Variants in COPS9 observed in about 807,000 individuals in gnomAD.
COPS9 encodes the protein COP9 signalosome complex subunit 9.
COPS9 carries 8 observed loss-of-function variants against 7.2 expected under a neutral mutation model. The ratio of observed to expected loss-of-function variants is 1.11; its 90% CI spans 0.65 to 2.00. The LOEUF is 2.00. Ranked by LOEUF, COPS9 falls within the 30% of genes most tolerant of loss-of-function variation. COPS9 has a pLI of 0.00. For missense variants in COPS9, 74 were observed against 77.7 expected, an observed-to-expected ratio of 0.95 and a Z score of 0.18; for synonymous variants, 39 against 28.7, an observed-to-expected ratio of 1.36 and a Z score of -1.14.
chr2:240,131,014 A>C lies in COPS9; in HGVS notation c.*37T>G. 1 of 1,611,220 alleles carries C rather than the reference A, an allele frequency of 6.2e-7. No individual in the cohort carries two copies. Among genetic ancestry groups the C allele is most frequent in the Non-Finnish European group, 8.5e-7 (1 of 1,178,950 alleles). ...GCGCAGGCTCACACTGCGGCTCTGT[A>C]CCAAGGGCTTGGCCCCGCCTGCAGC... On this transcript the variant is annotated 3_prime_UTR_variant, in exon 3 of 3. Coordinates refer to ENST00000607357, the MANE Select transcript of COPS9 (RefSeq NM_001163424.2).
chr2:240,129,048 T>C (rs2071894350), downstream of COPS9, among the ~76,000 whole-genome samples: 2 of 152,248 alleles, frequency 1.3e-5, no homozygotes, highest in Non-Finnish European at 2.9e-5. Context: ...TGTGCCCATC[T>C]GCACTCTGCC....
chr2:240,126,660 T>G, downstream of COPS9: 1 of 1,614,202 alleles, frequency 6.2e-7, no homozygotes, highest in Non-Finnish European at 8.5e-7. Context: ...ACCCCTCCAG[T>G]GAGTAGAAAC....
chr2:240,134,520 C>T lies in COPS9; in HGVS notation c.64-515G>A, dbSNP rs1202019850. 3.3e-5 allele frequency among the ~76,000 whole-genome samples: 5 copies of T among 152,186 alleles called. No homozygotes were observed. In the East Asian group the frequency reaches 9.6e-4, roughly 29 times the overall value. On this transcript the variant is annotated intron_variant, in intron 1 of 2. Coordinates refer to ENST00000607357, the MANE Select transcript of COPS9 (RefSeq NM_001163424.2). ...GCAGTGGAAAAACCATGTCACAACCCAAGCTGGGCAATCTGAAGCCCTCAG... is the reference window on the plus strand; with the variant it reads ...GCAGTGGAAAAACCATGTCACAACCTAAGCTGGGCAATCTGAAGCCCTCAG...
intron 2 of COPS9, 40 bp from the exon 3 acceptor site, chr2:240,131,128 G>A (rs752824250): frequency 6.2e-7 from 1 of 1,601,738 alleles, no homozygotes; most frequent in Middle Eastern, 1.7e-4. Context: ...CACCTACAAG[G>A]GTAAGGGCTG....
At chr2:240,135,902 A>G (rs1019687344) in intron 1 of COPS9, 1 of 394,208 alleles carries the variant, frequency 2.5e-6, no homozygotes, top group Admixed American at 4.8e-5. Context: ...GCAGCCATCG[A>G]AGAGCAGCAA....
rs1574950021 is a variant in COPS9, at chr2:240,136,243, C to G, written c.42G>C (p.Gly14=). 4 of 1,567,492 alleles carry G rather than the reference C, an allele frequency of 2.6e-6. No individual in the cohort carries two copies. Among genetic ancestry groups the G allele is most frequent in the East Asian group, 2.6e-5 (1 of 38,826 alleles). ...CCACCTCGTCCAGGTCCACGTAGGGCCCGGCGCCCTCGGGGAACATCTCGT... is the reference window on the plus strand; with the variant it reads ...CCACCTCGTCCAGGTCCACGTAGGGGCCGGCGCCCTCGGGGAACATCTCGT... ...AVDEMFPEGA[G]PYVDLDEAGG... Residue 14 remains glycine (G), a synonymous_variant, in exon 1 of 3, where the codon GGG becomes GGC. Transcript: ENST00000607357.
intron 1 of COPS9, among the ~76,000 whole-genome samples, chr2:240,135,365 G>A (rs2071965739): frequency 1.3e-5 from 2 of 152,078 alleles, no homozygotes; most frequent in South Asian, 4.1e-4. Flanking sequence ...CCGTCGGTGC[G>A]CCTTCGGCTT....
chr2:240,131,339 A>G (rs1188384993), intron 2 of COPS9, among the ~76,000 whole-genome samples: 1 of 152,238 alleles, frequency 6.6e-6, no homozygotes, highest in Non-Finnish European at 1.5e-5. Context: ...AAATGCATGC[A>G]GGGCTGTTCT....
At chr2:240,127,020 A>AGAATGACTTGTCCC, downstream of COPS9, 1 of 1,529,158 alleles carries the variant, frequency 6.5e-7, no homozygotes, top group Non-Finnish European at 8.8e-7. Context: ...GACCTGGGAC[A>AGAATGACTTGTCCC]AGTCATTCTG....
At position 240,132,097 on chromosome 2, in the gene COPS9, C is replaced by G. The variant is rs1308171498; in HGVS notation, c.137-1009G>C. On this transcript the variant is annotated intron_variant, in intron 2 of 2. Coordinates refer to ENST00000607357, the MANE Select transcript of COPS9 (RefSeq NM_001163424.2). The surrounding 1 kb of genome is among the most constrained non-coding windows in gnomAD (Gnocchi z 4.1). ...TGGCTGACTCCACACCTTCCGACCT[C>G]TGCTCTGCTGCCCCCTCTGGAGAAA... Among the ~76,000 whole-genome samples, 1 of 152,224 alleles carries G rather than the reference C, an allele frequency of 6.6e-6. No individual in the cohort carries two copies. Among genetic ancestry groups the G allele is most frequent in the African/African-American group, 2.4e-5 (1 of 41,444 alleles).
In COPS9 at chr2:240,130,981, A is replaced by T; in HGVS notation, c.*70T>A. On this transcript the variant is annotated 3_prime_UTR_variant, in exon 3 of 3. Transcript: ENST00000607357. ...CACGTGTTCTTTAAAACCACCTGAA[A>T]CTGTCCTGCGCAGGCTCACACTGCG... 1 of 1,575,816 alleles carries T rather than the reference A, an allele frequency of 6.3e-7. No homozygotes were observed. Among genetic ancestry groups the T allele is most frequent in the Non-Finnish European group, 8.6e-7 (1 of 1,163,196 alleles).
downstream of COPS9, among the ~76,000 whole-genome samples, chr2:240,129,229 T>C (rs76903161): frequency 0.016 from 2,369 of 152,294 alleles, 44 homozygotes; most frequent in East Asian, 0.089. Flanking sequence ...GTGGTGCAAT[T>C]ATCGCTCACT....
At chr2:240,129,212 G>A (rs2071895883), downstream of COPS9, among the ~76,000 whole-genome samples, 1 of 152,210 alleles carries the variant, frequency 6.6e-6, no homozygotes, top group Non-Finnish European at 1.5e-5. Context: ...GCCCAGGCTG[G>A]AGTGCAGTGG....
downstream of COPS9, among the ~76,000 whole-genome samples, chr2:240,128,788 G>GTCAC (rs1559476284): frequency 6.6e-6 from 1 of 152,170 alleles, no homozygotes; most frequent in Admixed American, 6.5e-5. Flanking sequence ...TGACAGCCGA[G>GTCAC]TCACACGGAG....
downstream of COPS9, among the ~76,000 whole-genome samples, chr2:240,130,393 T>C (rs2071909871): frequency 6.6e-6 from 1 of 152,216 alleles, no homozygotes; most frequent in African/African-American, 2.4e-5. Context: ...ACAAGACCCC[T>C]CTTCCCACAT....
chr2:240,128,518 C>G (rs531083154), downstream of COPS9, among the ~76,000 whole-genome samples: 5 of 152,338 alleles, frequency 3.3e-5, no homozygotes, highest in Non-Finnish European at 7.3e-5. Flanking sequence ...CAGAGCTGTG[C>G]TGCCTTGCTG....
chr2:240,130,958 C>T lies in COPS9; in HGVS notation c.*93G>A, dbSNP rs558973770. The T allele has an allele frequency of 1.5e-5, 23 of 1,535,308 alleles. 1 individual carries two copies. The highest frequency in any genetic ancestry group is 3.9e-4 in the Middle Eastern group (2 of 5,106). On this transcript the variant is annotated 3_prime_UTR_variant, in exon 3 of 3. Transcript: ENST00000607357. The stretch of plus-strand genomic sequence containing the variant: ...AGGTCCTAAATTCAAGGGATTTCCA[C>T]GTGTTCTTTAAAACCACCTGAAACT...
At chr2:240,129,046 T>C (rs868721393), downstream of COPS9, among the ~76,000 whole-genome samples, 1 of 152,220 alleles carries the variant, frequency 6.6e-6, no homozygotes, top group Non-Finnish European at 1.5e-5. Flanking sequence ...GGTGTGCCCA[T>C]CTGCACTCTG....
In COPS9 at chr2:240,134,013, A is replaced by C; in HGVS notation, c.64-8T>G. ...CCCGGTGCTGCCTCCCGCCTGGGGA[A>C]TGGAAAGGCAAGGTTATGTCAGGTG... is the stretch of plus-strand genomic sequence containing the variant. On this transcript the variant is annotated splice_region_variant and splice_polypyrimidine_tract_variant and intron_variant, in intron 1 of 2. Coordinates refer to ENST00000607357, the MANE Select transcript of COPS9 (RefSeq NM_001163424.2). 1 of 1,614,114 alleles carries C rather than the reference A, an allele frequency of 6.2e-7. No individual in the cohort carries two copies. The highest frequency in any genetic ancestry group is 8.5e-7 in the Non-Finnish European group (1 of 1,179,974).
Sources: allele counts gnomAD v4.1 joint callset (sites outside exome capture counted in the v4.1 genomes callset), GRCh38; gene constraint gnomAD v4.1.1; non-coding constraint Gnocchi (gnomAD v3.1); transcripts MANE v1.5; gene names NCBI Gene and HGNC (gene_info 2026-07-23, HGNC 2026-07-21).